The following ANO1 variants were observed in gnomAD, a reference collection of about 807,000 sequenced individuals.
The protein encoded by ANO1 is anoctamin 1.
ANO1 carries 59 observed loss-of-function variants against 124.0 expected under a neutral mutation model. The observed-to-expected ratio is 0.48, with a 90% CI of 0.39 to 0.59. ANO1 has a LOEUF of 0.59. Among genes scored for constraint, ANO1 ranks in the 20% least tolerant of loss-of-function variants. The pLI is 0.00. For synonymous variants in ANO1, 529 were observed against 532.0 expected (o/e 0.99, Z 0.08); for missense variants, 1,059 against 1,328.0 (o/e 0.80, Z 3.15).
intron 8 of ANO1, among the ~76,000 whole-genome samples, chr11:70,117,074 C>A (rs1202784571): frequency 1.3e-5 from 2 of 149,206 alleles, no homozygotes; most frequent in Non-Finnish European, 3.0e-5. Flanking sequence ...TGGGTGACCC[C>A]TTTATTCTTT....
At chr11:70,083,065 G>T (rs74502875) in intron 1 of ANO1, among the ~76,000 whole-genome samples, 14,691 of 152,176 alleles carry the variant, frequency 0.097, 1,011 homozygotes, top group Admixed American at 0.19. Context: ...AGCTCCTTTT[G>T]TAACTTTTTA....
chr11:69,998,124 C>T (rs117717629), intron 1 of ANO1, among the ~76,000 whole-genome samples: 1,719 of 152,280 alleles, frequency 0.011, 17 homozygotes, highest in Non-Finnish European at 0.015. Flanking sequence ...CAGCACACTC[C>T]TCACACGGGT....
At chr11:70,097,447 G>C (rs1439600911) in intron 2 of ANO1, among the ~76,000 whole-genome samples, 1 of 152,242 alleles carries the variant, frequency 6.6e-6, no homozygotes, top group Non-Finnish European at 1.5e-5. Context: ...TGTGGCGTGG[G>C]AAATACCAGG....
intron 1 of ANO1, among the ~76,000 whole-genome samples, chr11:70,046,744 A>G (rs1486355518): frequency 2.0e-5 from 3 of 152,114 alleles, no homozygotes; most frequent in African/African-American, 4.8e-5. Flanking sequence ...TTGGGCATCA[A>G]AAAGAATAAT....
chr11:69,969,733 G>A, the ANO1 span, among the ~76,000 whole-genome samples: 8 of 152,174 alleles, frequency 5.3e-5, no homozygotes, highest in Non-Finnish European at 1.0e-4. Flanking sequence ...TGGATCACAA[G>A]GTCAGGAGTT....
chr11:70,098,417 C>T (rs546945378), intron 2 of ANO1, among the ~76,000 whole-genome samples: 10 of 152,326 alleles, frequency 6.6e-5, no homozygotes, highest in African/African-American at 1.9e-4. Flanking sequence ...CTGCTGTGCA[C>T]GGCACACACA....
chr11:69,995,076 G>A (rs1361955513), intron 1 of ANO1, among the ~76,000 whole-genome samples: 1 of 149,454 alleles, frequency 6.7e-6, no homozygotes, highest in Non-Finnish European at 1.5e-5. Flanking sequence ...CACCACTAAT[G>A]CACAAATGCT....
intron 21 of ANO1, chr11:70,169,995 A>C: frequency 2.7e-6 from 1 of 366,480 alleles, no homozygotes; most frequent in Non-Finnish European, 5.4e-6. Context: ...CCCATGCTGG[A>C]TGCAGCATCC....
chr11:70,057,434 T>TTGTGTGTGTGTGTGTG (rs142366013), intron 1 of ANO1, among the ~76,000 whole-genome samples: 23 of 149,922 alleles, frequency 1.5e-4, no homozygotes, highest in African/African-American at 4.9e-4. Context: ...AACTCCAATT[T>TTGTGTGTGTGTGTGTG]TGTGTGTGTG....
Position 70,056,475 on chromosome 11 carries a change from G to C in ANO1, c.59-22067G>C, listed in dbSNP as rs151326047. The C allele has an allele frequency of 5.0e-3, 764 of 151,826 alleles. 13 individuals carry two copies. The highest frequency in any genetic ancestry group is 0.017 in the African/African-American group (717 of 41,308). 9.4% of individuals were successfully genotyped at this position (151,826 alleles called of 1,614,324 possible). A position where few individuals can be genotyped will look rare whatever the true frequency, so the allele number is the denominator to read the frequency against. On this transcript the variant is annotated intron_variant, in intron 1 of 27. Coordinates refer to the ANO1 transcript ENST00000531349. ...TTTTTGTTTTCACCAATTTTGCTATGATGGGCTGGGATTATTCTGATAGGG... is the reference window on the plus strand; with the variant it reads ...TTTTTGTTTTCACCAATTTTGCTATCATGGGCTGGGATTATTCTGATAGGG...
At chr11:70,024,378 AAC>A (rs1856855502) in intron 1 of ANO1, among the ~76,000 whole-genome samples, 1 of 152,210 alleles carries the variant, frequency 6.6e-6, no homozygotes, top group Non-Finnish European at 1.5e-5. Flanking sequence ...CCTTAAGGAA[AAC>A]CAGGACAAGA....
chr11:70,063,084 C>G (rs886736858), intron 1 of ANO1, among the ~76,000 whole-genome samples: 1 of 152,110 alleles, frequency 6.6e-6, no homozygotes, highest in Non-Finnish European at 1.5e-5. Context: ...CACATGCCAC[C>G]ACGCCCAGCT....
intron 8 of ANO1, among the ~76,000 whole-genome samples, chr11:70,119,692 G>A (rs1428347447): frequency 6.6e-6 from 1 of 151,758 alleles, no homozygotes; most frequent in East Asian, 1.9e-4. Context: ...TGGGTGGAGG[G>A]GTGGGTGAAT....
At chr11:70,066,421 G>A (rs901648810) in intron 1 of ANO1, among the ~76,000 whole-genome samples, 5 of 152,158 alleles carry the variant, frequency 3.3e-5, no homozygotes, top group Admixed American at 6.5e-5. Flanking sequence ...CACATGACTT[G>A]TCCAAAGACA....
intron 8 of ANO1, among the ~76,000 whole-genome samples, chr11:70,122,012 GTCTC>G (rs1329748329): frequency 2.5e-5 from 3 of 121,812 alleles, no homozygotes; most frequent in Admixed American, 1.8e-4. Context: ...CTCTGTCTCT[GTCTC>G]TCTCTCCATC....
the ANO1 span, among the ~76,000 whole-genome samples, chr11:69,971,126 A>G: frequency 6.6e-6 from 1 of 152,208 alleles, no homozygotes; most frequent in Non-Finnish European, 1.5e-5. Flanking sequence ...TCAGTCTGTG[A>G]CACAGGTTCA....
intron 1 of ANO1, among the ~76,000 whole-genome samples, chr11:70,039,693 T>C (rs1156540395): frequency 1.3e-5 from 2 of 152,072 alleles, no homozygotes; most frequent in African/African-American, 4.8e-5. Context: ...AAGTGACTAT[T>C]CTGATTCTGG....
chr11:70,042,084 C>T (rs558095206), intron 1 of ANO1, among the ~76,000 whole-genome samples: 25 of 149,092 alleles, frequency 1.7e-4, no homozygotes, highest in African/African-American at 5.6e-4. Context: ...GGGGTGAGCT[C>T]GATGGTCGTA....
upstream of ANO1, among the ~76,000 whole-genome samples, chr11:69,981,150 G>T (rs1855956677): frequency 6.6e-6 from 1 of 152,214 alleles, no homozygotes; most frequent in South Asian, 2.1e-4. Context: ...CATGAATCTG[G>T]CTCAAACCAG....
Sources: allele counts gnomAD v4.1 joint callset (sites outside exome capture counted in the v4.1 genomes callset), GRCh38; gene constraint gnomAD v4.1.1; transcripts MANE v1.5; gene names NCBI Gene and HGNC (gene_info 2026-07-23, HGNC 2026-07-21).